The following SHPRH variants were observed in gnomAD, a reference collection of about 807,000 sequenced individuals.
The protein encoded by SHPRH is E3 ubiquitin-protein ligase SHPRH.
A neutral mutation model predicts 202.5 loss-of-function variants in SHPRH; 106 were observed. The observed-to-expected ratio is 0.52, with a 90% CI of 0.45 to 0.62. SHPRH has a LOEUF of 0.62. SHPRH is among the 20% of genes least tolerant of loss of function. The probability of loss-of-function intolerance (pLI) is 0.00; values close to 1 mark genes in which losing one functional copy is unlikely to be tolerated. For synonymous variants in SHPRH, 729 were observed against 686.0 expected (o/e 1.06, Z -0.98); for missense variants, 1,710 against 2,020.0 (o/e 0.85, Z 2.94).
intron 16 of SHPRH, among the ~76,000 whole-genome samples, chr6:145,925,071 G>A (rs900947696): frequency 1.3e-5 from 2 of 150,858 alleles, no homozygotes; most frequent in Admixed American, 6.6e-5. Context: ...CAGAAACACC[G>A]AATATTTGTT....
downstream of SHPRH, among the ~76,000 whole-genome samples, chr6:145,880,228 A>T (rs1327785384): frequency 6.6e-6 from 1 of 152,170 alleles, no homozygotes; most frequent in Non-Finnish European, 1.5e-5. Flanking sequence ...TGCTTTATCT[A>T]CTTTTTGACT....
At position 145,888,927 on chromosome 6, in the gene SHPRH, G is replaced by A. The variant is rs114774125; in HGVS notation, c.4875-827C>T. Among the ~76,000 whole-genome samples, 236 of 152,220 alleles carry A rather than the reference G, an allele frequency of 1.6e-3. 1 individual carries two copies. The highest frequency in any genetic ancestry group is 6.8e-3 in the Middle Eastern group (2 of 294). On this transcript the variant is annotated intron_variant, in intron 28 of 29. Coordinates refer to ENST00000275233, the MANE Select transcript of SHPRH (RefSeq NM_001042683.3). Reference sequence around the variant, plus strand: ...TGAAAAGAAAAATATAGAAGAGTCCGAGATTTCTGATCTGGGCAGGAACAG... The same window carrying A: ...TGAAAAGAAAAATATAGAAGAGTCCAAGATTTCTGATCTGGGCAGGAACAG...
Position 145,955,284 on chromosome 6 carries a change from T to C in SHPRH, c.39A>G (p.Val13=). 3.1e-6 allele frequency: 5 copies of C among 1,608,652 alleles called. No homozygotes were observed. The highest frequency in any genetic ancestry group is 4.2e-6 in the Non-Finnish European group (5 of 1,178,572). ...SRRKRAPPVR[V]DEEKRQQLHW... is the part of the protein sequence containing the mutation. Reference sequence around the variant, plus strand: ...GAAGCTGCTGCCTCTTTTCCTCATCTACCCTCACTGGAGGAGCACGTTTCC... The same window carrying C: ...GAAGCTGCTGCCTCTTTTCCTCATCCACCCTCACTGGAGGAGCACGTTTCC... The change falls in exon 2 of 30, where the codon GTA becomes GTG. Residue 13 remains valine (V), a synonymous_variant. Transcript: ENST00000275233.
At chr6:145,927,546 A>C (rs1054951978) in intron 14 of SHPRH, among the ~76,000 whole-genome samples, 1 of 151,780 alleles carries the variant, frequency 6.6e-6, no homozygotes, top group East Asian at 1.9e-4. Flanking sequence ...TTATAATCAA[A>C]CGTTTGTAAT....
At chr6:145,932,902 T>C in intron 14 of SHPRH, 155 bp downstream of exon 14, 1 of 793,662 alleles carries the variant, frequency 1.3e-6, no homozygotes, top group Non-Finnish European at 1.9e-6. Flanking sequence ...CTGCTCTATA[T>C]TAAGTTGAAC....
chr6:145,920,775 T>C (rs921703419), intron 21 of SHPRH, among the ~76,000 whole-genome samples: 1 of 152,086 alleles, frequency 6.6e-6, no homozygotes, highest in East Asian at 1.9e-4. Flanking sequence ...ACTTATAGGA[T>C]AAGAAGTATT....
intron 21 of SHPRH, 63 bp downstream of exon 21, chr6:145,921,104 A>T (rs1490437330): frequency 7.3e-7 from 1 of 1,371,478 alleles, no homozygotes; most frequent in Non-Finnish European, 1.0e-6. Flanking sequence ...AAAAAGTAGC[A>T]GTTAAAATTG....
At chr6:145,915,368 T>C (rs1011011991) in intron 23 of SHPRH, among the ~76,000 whole-genome samples, 4 of 151,834 alleles carry the variant, frequency 2.6e-5, no homozygotes, top group Non-Finnish European at 5.9e-5. Context: ...TCTACATATT[T>C]AAGCTTTTGT....
chr6:145,877,619 A>C (rs1036066569), intron 2 of SHPRH: 4 of 151,980 alleles, frequency 2.6e-5, no homozygotes, highest in South Asian at 2.1e-4. Context: ...TTCCCCTTTT[A>C]TTTTCTTTCC....
chr6:145,920,342 ACTT>A (rs1784337574), intron 21 of SHPRH, among the ~76,000 whole-genome samples: 1 of 152,052 alleles, frequency 6.6e-6, no homozygotes, highest in South Asian at 2.1e-4. Flanking sequence ...CATAAGTAAC[ACTT>A]CTTCCAAGGC....
chr6:145,918,392 T>C (rs1378034436), intron 22 of SHPRH, 160 bp from the exon 23 acceptor site: 2 of 434,888 alleles, frequency 4.6e-6, no homozygotes, highest in Non-Finnish European at 7.8e-6. Flanking sequence ...AGATAATATA[T>C]TTCAAATGAT....
intron 25 of SHPRH, among the ~76,000 whole-genome samples, chr6:145,897,234 C>A (rs1342083259): frequency 1.3e-5 from 2 of 151,774 alleles, no homozygotes; most frequent in Non-Finnish European, 2.9e-5. Flanking sequence ...CACAGAAATA[C>A]AGAGAATCAT....
intron 16 of SHPRH, among the ~76,000 whole-genome samples, chr6:145,925,796 A>T (rs746261163): frequency 1.3e-5 from 2 of 151,982 alleles, no homozygotes; most frequent in Non-Finnish European, 2.9e-5. Context: ...TGGGAGAACT[A>T]CCACCAAAAA....
rs1002940140 is a variant in SHPRH, at chr6:145,922,684, G to A, written c.3698C>T (p.Pro1233Leu). The A allele has an allele frequency of 1.2e-6, 2 of 1,608,020 alleles. No homozygotes were observed. The highest frequency in any genetic ancestry group is 1.7e-5 in the Admixed American group (1 of 59,048). The change falls in exon 19 of 30, where the codon CCA (proline) becomes CTA (leucine). Residue 1233 changes from proline (P) to leucine (L), a missense_variant. By Grantham distance (98) the Pro-to-Leu change is moderately conservative. Coordinates refer to ENST00000275233, the MANE Select transcript of SHPRH (RefSeq NM_001042683.3). ...CTACCAGTTGAGAGGAAGTCTGGCT[G>A]GTCGGAGGTGACAGACTGTTGCAGA... ...IESATVCHLR[P>L]ARLPLNCCVF...
At chr6:145,961,094 G>C (rs1469531314) in intron 1 of SHPRH, among the ~76,000 whole-genome samples, 1 of 151,966 alleles carries the variant, frequency 6.6e-6, no homozygotes, top group Non-Finnish European at 1.5e-5. Flanking sequence ...ATGCAGCCCG[G>C]TTCTAACAGG....
intron 23 of SHPRH, among the ~76,000 whole-genome samples, chr6:145,916,808 A>T (rs1278509254): frequency 6.6e-6 from 1 of 151,874 alleles, no homozygotes; most frequent in African/African-American, 2.4e-5. Flanking sequence ...TTTGAGATGG[A>T]ATCTCGCTCT....
chr6:145,919,520 G>C (rs768414813), intron 21 of SHPRH, 29 bp from the exon 22 acceptor site: 2 of 1,605,968 alleles, frequency 1.2e-6, no homozygotes, highest in Non-Finnish European at 1.7e-6. Flanking sequence ...CAAACACAGT[G>C]GTAAAGCATG....
At position 145,934,912 on chromosome 6, in the gene SHPRH, T is replaced by C. The variant is rs1241151139; in HGVS notation, c.2985A>G (p.Gln995=). The C allele has an allele frequency of 1.9e-6, 3 of 1,587,390 alleles. No individual in the cohort carries two copies. The highest frequency in any genetic ancestry group is 1.3e-5 in the African/African-American group (1 of 74,156). The change falls in exon 13 of 30, where the codon CAA becomes CAG. Residue 995 remains glutamine, a synonymous_variant. Transcript: ENST00000275233. ...AAAAAAGTTGATAATAAAACCTTTT[T>C]TGGAGTGGCAAGAACTCTCCACGAA... is the stretch of plus-strand genomic sequence containing the variant. ...QAVRGEFLPL[Q]KSTMTMEELL... is the part of the protein sequence containing the mutation.
At position 145,923,802 on chromosome 6, in the gene SHPRH, A is replaced by G. The variant is rs750787437; in HGVS notation, c.3403-17T>C. On this transcript the variant is annotated splice_polypyrimidine_tract_variant and intron_variant, in intron 17 of 29. Transcript: ENST00000275233. ...AGAATGAATCTGTAAAAAAGGTAGC[A>G]GTTAATCAATTAATACATTTTTTTT... is the stretch of plus-strand genomic sequence containing the variant. 6 of 1,604,272 alleles carry G rather than the reference A, an allele frequency of 3.7e-6. No individual in the cohort carries two copies. In the East Asian group the frequency reaches 1.1e-4, roughly 30 times the overall value.
Sources: gnomAD v4.1 joint callset for allele counts (sites outside exome capture counted in the v4.1 genomes callset) on GRCh38, gnomAD v4.1.1 for gene constraint, MANE v1.5 for transcripts, NCBI Gene and HGNC (gene_info 2026-07-23, HGNC 2026-07-21) for gene names.